FAM13A: variants seen among roughly 807,000 people sequenced by gnomAD.
FAM13A encodes protein FAM13A.
Under a neutral mutation model 129.6 loss-of-function variants are expected in FAM13A, and 76 were observed. The observed-to-expected ratio is 0.59, with a 90% CI of 0.49 to 0.71. The LOEUF is 0.71. Among genes scored for constraint, FAM13A ranks in the 30% least tolerant of loss-of-function variants. The pLI, the probability that FAM13A is intolerant of heterozygous loss-of-function variation, is 0.00. For missense variants in FAM13A, 1,108 were observed against 1,249.3 expected, an observed-to-expected ratio of 0.89 and a Z score of 1.70; for synonymous variants, 443 against 449.9, an observed-to-expected ratio of 0.98 and a Z score of 0.20.
At chr4:88,858,324 G>T (rs1561180856) in intron 6 of FAM13A, among the ~76,000 whole-genome samples, 1 of 152,134 alleles carries the variant, frequency 6.6e-6, no homozygotes, top group Non-Finnish European at 1.5e-5. Flanking sequence ...CTTTTATCAG[G>T]AAAAAATTCA....
chr4:88,921,022 A>C (rs1276711213), intron 5 of FAM13A, among the ~76,000 whole-genome samples: 2 of 152,128 alleles, frequency 1.3e-5, no homozygotes, highest in Non-Finnish European at 2.9e-5. Flanking sequence ...AAAGAAATGA[A>C]CAAAGCCCCC....
intron 7 of FAM13A, among the ~76,000 whole-genome samples, chr4:88,812,805 A>G (rs1729923769): frequency 6.6e-6 from 1 of 152,198 alleles, no homozygotes; most frequent in Non-Finnish European, 1.5e-5. Flanking sequence ...TGCTTAGTAA[A>G]TGGCTCTTGA....
chr4:89,035,786 G>T (rs1177170609), intron 1 of FAM13A, among the ~76,000 whole-genome samples: 1 of 152,132 alleles, frequency 6.6e-6, no homozygotes, highest in Non-Finnish European at 1.5e-5. Context: ...TGTAAAACAT[G>T]CTTATTTTTC....
At chr4:88,797,679 C>T (rs1726500939) in intron 8 of FAM13A, among the ~76,000 whole-genome samples, 1 of 152,112 alleles carries the variant, frequency 6.6e-6, no homozygotes. Flanking sequence ...TTACTGCCTT[C>T]AACATAGTTT....
intron 6 of FAM13A, among the ~76,000 whole-genome samples, chr4:88,852,012 T>G (rs1737647940): frequency 6.6e-6 from 1 of 152,182 alleles, no homozygotes; most frequent in Admixed American, 6.5e-5. Context: ...AAGCTTTTTC[T>G]TGTCTCTAGG....
At chr4:88,786,801 A>T (rs1724057045) in intron 10 of FAM13A, among the ~76,000 whole-genome samples, 2 of 151,938 alleles carry the variant, frequency 1.3e-5, no homozygotes, top group Non-Finnish European at 2.9e-5. Flanking sequence ...TTCTTTTTCC[A>T]TAAAGGGTTT....
In FAM13A at chr4:88,963,677, G is replaced by T. The variant is rs558784876; in HGVS notation, c.606-25436C>A. Among the ~76,000 whole-genome samples the T allele has an allele frequency of 4.8e-3, 729 of 152,194 alleles. 4 individuals carry two copies. Among genetic ancestry groups the T allele is most frequent in the African/African-American group, 0.016 (663 of 41,504 alleles). On this transcript the variant is annotated intron_variant, in intron 4 of 23. Coordinates refer to ENST00000264344, the MANE Select transcript of FAM13A (RefSeq NM_014883.4). ...ATTTCCCTGGAGTAATAAGACAAGG[G>T]TCTCTTTTCAAAGACTTTTAAAAAC... is the stretch of plus-strand genomic sequence containing the variant.
chr4:88,777,847 A>G (rs1180979940), intron 11 of FAM13A, among the ~76,000 whole-genome samples: 2 of 152,156 alleles, frequency 1.3e-5, no homozygotes, highest in Non-Finnish European at 2.9e-5. Context: ...CCAGGGAGCG[A>G]CATTTTGCTA....
At chr4:88,869,087 C>G (rs558673231) in intron 6 of FAM13A, among the ~76,000 whole-genome samples, 1 of 152,276 alleles carries the variant, frequency 6.6e-6, no homozygotes, top group Non-Finnish European at 1.5e-5. Context: ...CAGCTAGTTA[C>G]CCATACCAGG....
intron 11 of FAM13A, among the ~76,000 whole-genome samples, chr4:88,771,428 G>A (rs1043041426): frequency 6.6e-6 from 1 of 152,084 alleles, no homozygotes; most frequent in Non-Finnish European, 1.5e-5. Flanking sequence ...CAAATGTGCT[G>A]TAGGTGCTAA....
intron 2 of FAM13A, among the ~76,000 whole-genome samples, chr4:89,025,247 T>C (rs969428470): frequency 2.3e-5 from 1 of 42,686 alleles, no homozygotes; most frequent in Non-Finnish European, 4.4e-5. Flanking sequence ...GAATCATTGT[T>C]TTTTTTTTTT....
chr4:88,836,864 G>A (rs1330333027), intron 7 of FAM13A, among the ~76,000 whole-genome samples: 2 of 151,868 alleles, frequency 1.3e-5, no homozygotes, highest in Non-Finnish European at 2.9e-5. Flanking sequence ...GGAGGCTGAG[G>A]CAGGAGAATC....
At chr4:88,954,647 G>A (rs1757457346) in intron 4 of FAM13A, among the ~76,000 whole-genome samples, 1 of 152,160 alleles carries the variant, frequency 6.6e-6, no homozygotes, top group South Asian at 2.1e-4. Flanking sequence ...ACTTTGGGAG[G>A]CCCAAGGTGG....
In FAM13A at chr4:89,029,723, C is replaced by T. The variant is rs112427783; in HGVS notation, c.28-74G>A. 63 of 1,234,660 alleles carry T rather than the reference C, an allele frequency of 5.1e-5. 1 individual carries two copies. The African/African-American group carries it at 5.6e-4, about 11-fold the overall frequency. 76.5% of individuals were successfully genotyped at this position (1,234,660 alleles called of 1,614,324 possible). On this transcript the variant is annotated intron_variant, in intron 1 of 23. Coordinates refer to ENST00000264344, the MANE Select transcript of FAM13A (RefSeq NM_014883.4). ...AGGTTGCATGGTTACAACAGAAACA[C>T]CTGAATTAAAATGTGTTTGAAGATG... is the stretch of plus-strand genomic sequence containing the variant.
intron 6 of FAM13A, among the ~76,000 whole-genome samples, chr4:88,874,271 G>T (rs1741977423): frequency 6.6e-6 from 1 of 152,024 alleles, no homozygotes; most frequent in African/African-American, 2.4e-5. Context: ...TTCAATATAG[G>T]GTTGGAAGTT....
chr4:89,008,465 AC>A lies in FAM13A; in HGVS notation c.427+11994del, dbSNP rs151213356. On this transcript the variant is annotated intron_variant, in intron 3 of 23. Coordinates refer to ENST00000264344, the MANE Select transcript of FAM13A (RefSeq NM_014883.4). ...GCCCTCACCAGAAACTACTTCCAGC[AC>A]CTTGATCTTGGACTTCCAGCCACCA... Among the ~76,000 whole-genome samples, 885 of 152,328 alleles carry A rather than the reference AC, an allele frequency of 5.8e-3. 11 individuals are homozygous for A. Among genetic ancestry groups the A allele is most frequent in the African/African-American group, 0.02 (846 of 41,566 alleles).
intron 6 of FAM13A, among the ~76,000 whole-genome samples, chr4:88,858,960 T>C (rs1739016698): frequency 6.6e-6 from 1 of 152,220 alleles, no homozygotes; most frequent in African/African-American, 2.4e-5. Flanking sequence ...GGGCGAATAA[T>C]GAAATCTGAG....
chr4:89,031,572 C>T (rs1420454570), intron 1 of FAM13A, among the ~76,000 whole-genome samples: 1 of 152,170 alleles, frequency 6.6e-6, no homozygotes, highest in Non-Finnish European at 1.5e-5. Flanking sequence ...CAGTGCCTGG[C>T]ATACTCATTG....
chr4:88,842,523 C>T lies in FAM13A; in HGVS notation c.1007+8497G>A, dbSNP rs140152490. ...TTCTATTATATATTATTGTTAATCA[C>T]AAATAAGTTTGTCAAATTAATGGAC... On this transcript the variant is annotated intron_variant, in intron 7 of 23. Coordinates refer to ENST00000264344, the MANE Select transcript of FAM13A (RefSeq NM_014883.4). Among the ~76,000 whole-genome samples the T allele has an allele frequency of 6.2e-4, 95 of 152,292 alleles. No individual in the cohort carries two copies. In the East Asian group the frequency reaches 0.014, roughly 22 times the overall value.
Sources: allele counts gnomAD v4.1 joint callset (sites outside exome capture counted in the v4.1 genomes callset), GRCh38; gene constraint gnomAD v4.1.1; transcripts MANE v1.5; gene names NCBI Gene and HGNC (gene_info 2026-07-23, HGNC 2026-07-21).